Variants in TNRC6A observed in about 807,000 individuals in gnomAD.
TNRC6A encodes trinucleotide repeat containing adaptor 6A.
In TNRC6A, 44 loss-of-function variants were observed where a neutral mutation model predicts 221.2. The ratio of observed to expected loss-of-function variants is 0.20; its 90% confidence interval spans 0.16 to 0.26. The LOEUF is 0.26. TNRC6A is among the 10% of genes least tolerant of loss of function. TNRC6A has a pLI of 1.00. For missense variants in TNRC6A, 2,199 were observed against 2,404.4 expected, an observed-to-expected ratio of 0.91 and a Z score of 1.79; for synonymous variants, 847 against 838.5, an observed-to-expected ratio of 1.01 and a Z score of -0.18.
chr16:24,807,720 C>T (rs1329909791), intron 17 of TNRC6A, among the ~76,000 whole-genome samples: 1 of 148,468 alleles, frequency 6.7e-6, no homozygotes, highest in African/African-American at 2.5e-5. Context: ...TGTTTCTTTC[C>T]TAGGTCTCTT....
chr16:24,753,237 G>A (rs1195610698), intron 3 of TNRC6A, among the ~76,000 whole-genome samples: 1 of 152,156 alleles, frequency 6.6e-6, no homozygotes, highest in Non-Finnish European at 1.5e-5. Flanking sequence ...CTCACCCCAT[G>A]GTTCCAGTCT....
chr16:24,716,237 T>C (rs1434430671), intron 2 of TNRC6A, among the ~76,000 whole-genome samples: 2 of 152,228 alleles, frequency 1.3e-5, no homozygotes, highest in Non-Finnish European at 2.9e-5. Context: ...TGTCCTCCTT[T>C]GCTTGATGTC....
rs567158965 is a variant in TNRC6A at position 24,643,781 on chromosome 16, A to G, written n.402+2772A>G. 2.0e-5 allele frequency among the ~76,000 whole-genome samples: 3 copies of G among 151,890 alleles called. No individual in the cohort carries two copies. The South Asian group carries it at 6.3e-4, about 32-fold the overall frequency. ...TTACAAGTCTAGGCCACACACGGAC[A>G]CTGATCCTATGCCGAATTTGACTTC... On this transcript the variant is annotated intron_variant and non_coding_transcript_variant, in intron 2 of 2. Transcript: ENST00000566108.
chr16:24,811,521 G>T (rs1199113710), intron 18 of TNRC6A, among the ~76,000 whole-genome samples: 1 of 152,140 alleles, frequency 6.6e-6, no homozygotes, highest in Non-Finnish European at 1.5e-5. Context: ...CAGAAGTCAG[G>T]CAGGCAGAGG....
chr16:24,651,180 A>G (rs1481786799), intron 2 of TNRC6A, among the ~76,000 whole-genome samples: 14 of 140,162 alleles, frequency 1.0e-4, no homozygotes, highest in Non-Finnish European at 1.8e-4. Flanking sequence ...CCAACTGGGT[A>G]TGGCAAAAAA....
intron 3 of TNRC6A, among the ~76,000 whole-genome samples, chr16:24,757,085 G>A (rs1453805079): frequency 1.3e-5 from 2 of 152,118 alleles, no homozygotes; most frequent in African/African-American, 4.8e-5. Context: ...AACAAATGAA[G>A]TGTTGTTAGC....
chr16:24,782,777 G>A, intron 5 of TNRC6A, among the ~76,000 whole-genome samples: 1 of 152,094 alleles, frequency 6.6e-6, no homozygotes, highest in South Asian at 2.1e-4. Context: ...AGCTACTCGG[G>A]AGGCTGAGGC....
chr16:24,783,698 A>G (rs1451837320), intron 5 of TNRC6A, among the ~76,000 whole-genome samples: 1 of 152,146 alleles, frequency 6.6e-6, no homozygotes, highest in South Asian at 2.1e-4. Flanking sequence ...TTTGCATTAC[A>G]CTCAGTAAAA....
chr16:24,655,319 T>C (rs147043566), intron 2 of TNRC6A, among the ~76,000 whole-genome samples: 318 of 152,304 alleles, frequency 2.1e-3, no homozygotes, highest in African/African-American at 7.0e-3. Flanking sequence ...AATTCTGCTT[T>C]GTGGTTTTAA....
chr16:24,730,439 G>C, intron 2 of TNRC6A, 139 bp downstream of exon 2: 2 of 925,484 alleles, frequency 2.2e-6, no homozygotes, highest in Non-Finnish European at 3.3e-6. Flanking sequence ...GAAGCGGCCT[G>C]GGGGAATACT....
At chr16:24,726,166 G>A (rs1489860478), upstream of TNRC6A, among the ~76,000 whole-genome samples, 1 of 152,100 alleles carries the variant, frequency 6.6e-6, no homozygotes, top group Non-Finnish European at 1.5e-5. Flanking sequence ...GTACACAGGT[G>A]AGACAACGGT....
At chr16:24,805,467 AAGAC>A (rs1441937282) in intron 14 of TNRC6A, 134 bp from the exon 15 acceptor site, 1 of 1,264,094 alleles carries the variant, frequency 7.9e-7, no homozygotes, top group Non-Finnish European at 1.1e-6. Flanking sequence ...GTCAGTTAGT[AAGAC>A]AGAGACAAAG....
chr16:24,793,773 G>GA, intron 7 of TNRC6A, 124 bp downstream of exon 7: 1 of 848,068 alleles, frequency 1.2e-6, no homozygotes, highest in East Asian at 3.3e-5. Context: ...TAACATGATA[G>GA]ATGATGTTCA....
At chr16:24,709,265 A>C in intron 2 of TNRC6A, among the ~76,000 whole-genome samples, 1 of 151,948 alleles carries the variant, frequency 6.6e-6, no homozygotes, top group East Asian at 1.9e-4. Context: ...CTCAAAAAAA[A>C]AAAAATGTTT....
chr16:24,805,524 TTGACAA>T, intron 14 of TNRC6A, 75 bp from the exon 15 acceptor site: 1 of 1,564,216 alleles, frequency 6.4e-7, no homozygotes, highest in Non-Finnish European at 8.7e-7. Flanking sequence ...AACTGCTCTA[TTGACAA>T]CTGAAAACAC....
intron 11 of TNRC6A, among the ~76,000 whole-genome samples, chr16:24,800,231 C>A (rs973282679): frequency 6.6e-6 from 1 of 152,188 alleles, no homozygotes; most frequent in African/African-American, 2.4e-5. Context: ...AAGCCGCTCG[C>A]ACTTTCACCT....
intron 18 of TNRC6A, among the ~76,000 whole-genome samples, chr16:24,814,083 T>G (rs1490307011): frequency 6.6e-6 from 1 of 151,970 alleles, no homozygotes; most frequent in Non-Finnish European, 1.5e-5. Flanking sequence ...AGAGGGGAAA[T>G]GGAAGCAGTG....
intron 2 of TNRC6A, among the ~76,000 whole-genome samples, chr16:24,657,223 CAGA>C (rs1218366579): frequency 2.1e-5 from 3 of 145,682 alleles, no homozygotes; most frequent in East Asian, 2.1e-4. Context: ...GAGACTGAGG[CAGA>C]AGGATTGATT....
chr16:24,695,635 T>A (rs1416067423), intron 2 of TNRC6A, among the ~76,000 whole-genome samples: 2 of 152,108 alleles, frequency 1.3e-5, no homozygotes, highest in African/African-American at 4.8e-5. Flanking sequence ...CCTGACCTCG[T>A]GATCTGCCTG....
Sources: allele counts gnomAD v4.1 joint callset (sites outside exome capture counted in the v4.1 genomes callset), GRCh38; gene constraint gnomAD v4.1.1; transcripts MANE v1.5; gene names NCBI Gene and HGNC (gene_info 2026-07-23, HGNC 2026-07-21).